Variants in MACROD2 observed in about 807,000 individuals in gnomAD.
MACROD2 encodes the protein mono-ADP ribosylhydrolase 2, also known as ADP-ribose glycohydrolase MACROD2.
MACROD2 carries 36 observed loss-of-function variants against 70.4 expected under a neutral mutation model. The observed-to-expected ratio is 0.51, with a 90% CI of 0.39 to 0.68. The LOEUF (loss-of-function observed/expected upper bound fraction) is 0.68. Ranked by LOEUF, MACROD2 falls within the 30% of genes least tolerant of loss-of-function variation. MACROD2 has a pLI of 0.00. For missense variants in MACROD2, 496 were observed against 538.4 expected (o/e 0.92, Z 0.78); for synonymous variants, 172 against 178.8 (o/e 0.96, Z 0.30).
intron 3 of MACROD2, among the ~76,000 whole-genome samples, chr20:14,453,914 TAGAA>T (rs2084271411): frequency 1.3e-5 from 2 of 151,884 alleles, no homozygotes; most frequent in African/African-American, 4.8e-5. Context: ...ATATACTATT[TAGAA>T]AGAGTTTTCA....
chr20:15,239,374 G>A (rs1314686631), intron 6 of MACROD2, among the ~76,000 whole-genome samples: 1 of 151,936 alleles, frequency 6.6e-6, no homozygotes, highest in Non-Finnish European at 1.5e-5. Context: ...TTGCAAAGAG[G>A]ATTTTTTTTA....
chr20:14,098,712 T>G (rs543632438), intron 3 of MACROD2, among the ~76,000 whole-genome samples: 1 of 152,260 alleles, frequency 6.6e-6, no homozygotes, highest in South Asian at 2.1e-4. Flanking sequence ...AGAATTTAAG[T>G]TATTGGGGAA....
At chr20:15,145,666 G>A (rs1216337826) in intron 5 of MACROD2, among the ~76,000 whole-genome samples, 1 of 152,264 alleles carries the variant, frequency 6.6e-6, no homozygotes, top group Non-Finnish European at 1.5e-5. Flanking sequence ...AAGCCTCTGG[G>A]AGTAACCATT....
chr20:15,331,273 A>T (rs1246413065), intron 6 of MACROD2, among the ~76,000 whole-genome samples: 4 of 151,696 alleles, frequency 2.6e-5, no homozygotes, highest in Non-Finnish European at 4.4e-5. Flanking sequence ...AATTCTTTTT[A>T]CCCATAGTAA....
chr20:15,480,428 A>G (rs984778282), intron 7 of MACROD2, among the ~76,000 whole-genome samples: 3 of 152,182 alleles, frequency 2.0e-5, no homozygotes, highest in Non-Finnish European at 4.4e-5. Context: ...TATTTTAGGA[A>G]CTAGGTCTAA....
At chr20:15,180,259 A>G (rs915599116) in intron 5 of MACROD2, among the ~76,000 whole-genome samples, 2 of 152,212 alleles carry the variant, frequency 1.3e-5, no homozygotes, top group African/African-American at 2.4e-5. Context: ...TTTTGCTGGA[A>G]TCAACTACAA....
At chr20:14,998,078 C>A (rs1310300133) in intron 5 of MACROD2, among the ~76,000 whole-genome samples, 1 of 152,124 alleles carries the variant, frequency 6.6e-6, no homozygotes, top group East Asian at 1.9e-4. Context: ...CTGCAGTGAC[C>A]AAAGATTAGA....
chr20:14,087,596 C>G (rs1268174642), intron 3 of MACROD2, among the ~76,000 whole-genome samples: 1 of 152,082 alleles, frequency 6.6e-6, no homozygotes, highest in Non-Finnish European at 1.5e-5. Flanking sequence ...ATATGACTCA[C>G]TCCTTCATCC....
chr20:14,698,620 T>C (rs2071154364), intron 5 of MACROD2, among the ~76,000 whole-genome samples: 3 of 151,942 alleles, frequency 2.0e-5, no homozygotes, highest in Admixed American at 1.3e-4. Context: ...TGAATGTTTT[T>C]CTTTTCCACT....
intron 3 of MACROD2, among the ~76,000 whole-genome samples, chr20:14,406,675 T>G (rs1318990769): frequency 6.6e-6 from 1 of 152,186 alleles, no homozygotes; most frequent in Admixed American, 6.5e-5. Flanking sequence ...GGCTTTCTTA[T>G]GTGCCCATCC....
At chr20:15,442,264 G>C (rs559528515) in intron 7 of MACROD2, among the ~76,000 whole-genome samples, 1 of 152,274 alleles carries the variant, frequency 6.6e-6, no homozygotes, top group East Asian at 1.9e-4. Context: ...TTTTAAAAAT[G>C]TATTGTGAAA....
chr20:14,367,426 A>AGG (rs578124196), intron 3 of MACROD2, among the ~76,000 whole-genome samples: 16 of 152,212 alleles, frequency 1.1e-4, no homozygotes, highest in Non-Finnish European at 2.4e-4. Flanking sequence ...TTAAGTCTAA[A>AGG]GGACTCCCTT....
intron 3 of MACROD2, among the ~76,000 whole-genome samples, chr20:14,342,706 T>C (rs1284780926): frequency 2.0e-5 from 3 of 152,228 alleles, no homozygotes; most frequent in Non-Finnish European, 4.4e-5. Context: ...TAAACTGTTC[T>C]TTTGTTCTGA....
chr20:15,433,294 C>A (rs111403496), intron 7 of MACROD2, among the ~76,000 whole-genome samples: 1,581 of 151,466 alleles, frequency 0.01, 26 homozygotes, highest in African/African-American at 0.036. Flanking sequence ...GATCATTTAC[C>A]TAGAAAACCC....
At chr20:14,563,822 G>A (rs1257854962) in intron 4 of MACROD2, among the ~76,000 whole-genome samples, 1 of 151,746 alleles carries the variant, frequency 6.6e-6, no homozygotes, top group East Asian at 1.9e-4. Context: ...TACCAACATC[G>A]TTTTTCCCAG....
At chr20:14,915,671 C>G (rs774070377) in intron 5 of MACROD2, among the ~76,000 whole-genome samples, 3 of 152,212 alleles carry the variant, frequency 2.0e-5, no homozygotes, top group Admixed American at 6.5e-5. Flanking sequence ...CCTGCACTGA[C>G]AGCAAGCAGT....
chr20:14,265,128 C>A (rs549860188), intron 3 of MACROD2, among the ~76,000 whole-genome samples: 1 of 152,294 alleles, frequency 6.6e-6, no homozygotes, highest in South Asian at 2.1e-4. Flanking sequence ...TCTCTTCATT[C>A]CAGCATAACC....
chr20:15,358,632 T>G (rs992624868), intron 6 of MACROD2, among the ~76,000 whole-genome samples: 2 of 152,196 alleles, frequency 1.3e-5, no homozygotes, highest in Non-Finnish European at 2.9e-5. Context: ...TATCTTAGCT[T>G]GGGCTTCTAA....
intron 3 of MACROD2, among the ~76,000 whole-genome samples, chr20:14,464,307 C>G (rs931070353): frequency 7.2e-5 from 11 of 152,054 alleles, no homozygotes; most frequent in African/African-American, 2.7e-4. Context: ...TCTAGATTTT[C>G]TAGTTTATTT....
Sources: allele counts gnomAD v4.1 joint callset (sites outside exome capture counted in the v4.1 genomes callset), GRCh38; gene constraint gnomAD v4.1.1; transcripts MANE v1.5; gene names NCBI Gene and HGNC (gene_info 2026-07-23, HGNC 2026-07-21).